LRRFIP1: variants seen among roughly 807,000 people sequenced by gnomAD.
LRRFIP1 encodes the protein LRR binding FLII interacting protein 1.
LRRFIP1 carries 62 observed loss-of-function variants against 104.4 expected under a neutral mutation model. The observed-to-expected ratio is 0.59, with a 90% CI of 0.48 to 0.73. LRRFIP1 has a LOEUF of 0.73. LRRFIP1 is among the 30% of genes least tolerant of loss of function. The pLI is 0.00. For missense variants in LRRFIP1, 796 were observed against 824.5 expected (o/e 0.97, Z 0.42); for synonymous variants, 300 against 299.0 (o/e 1.00, Z -0.03).
rs1421227135 is a variant in LRRFIP1 at position 237,691,251 on chromosome 2, C to T, written c.97-17293C>T. 1.3e-5 allele frequency among the ~76,000 whole-genome samples: 2 copies of T among 152,254 alleles called. No homozygotes were observed. The highest frequency in any genetic ancestry group is 2.9e-5 in the Non-Finnish European group (2 of 68,046). On this transcript the variant is annotated intron_variant, in intron 1 of 23. Transcript: ENST00000308482. This position sits in a 1 kb window ranked among gnomAD's most constrained non-coding sequence, Gnocchi z 5.4. Reference sequence around the variant, plus strand: ...CGCGTCATCCCGTCGCTTCTGCCCCCAGCCTGGCGAGGTCGGGAACCGTTT... The same window carrying T: ...CGCGTCATCCCGTCGCTTCTGCCCCTAGCCTGGCGAGGTCGGGAACCGTTT...
intron 5 of LRRFIP1, among the ~76,000 whole-genome samples, chr2:237,719,825 A>G (rs1251940170): frequency 2.0e-5 from 3 of 152,116 alleles, no homozygotes; most frequent in Non-Finnish European, 4.4e-5. Context: ...TATTCATGAC[A>G]GCTGTAGTGC....
intron 11 of LRRFIP1, among the ~76,000 whole-genome samples, chr2:237,743,830 C>A (rs1367812757): frequency 1.3e-5 from 2 of 152,076 alleles, no homozygotes; most frequent in African/African-American, 4.8e-5. Flanking sequence ...TGGGCCACAC[C>A]CAAGCAGAGT....
intron 1 of LRRFIP1, 142 bp downstream of exon 1, chr2:237,627,882 C>A (rs1415114255): frequency 2.2e-6 from 1 of 460,526 alleles, no homozygotes; most frequent in Non-Finnish European, 3.3e-6. Context: ...GCCGGGCAGG[C>A]GCGCGCCGGG....
At chr2:237,723,836 C>A (rs959300884) in intron 7 of LRRFIP1, among the ~76,000 whole-genome samples, 2 of 152,238 alleles carry the variant, frequency 1.3e-5, no homozygotes, top group Admixed American at 6.5e-5. Context: ...CACCAGATGG[C>A]CTTTGAGCAC....
At chr2:237,690,178 T>C (rs3754728) in intron 1 of LRRFIP1, among the ~76,000 whole-genome samples, 17,779 of 152,102 alleles carry the variant, frequency 0.12, 3,177 homozygotes, top group African/African-American at 0.39. Flanking sequence ...CTCAGGGACA[T>C]GCCAAGGGAA....
chr2:237,719,608 A>C (rs971568226), intron 5 of LRRFIP1, 41 bp downstream of exon 5: 1 of 1,500,272 alleles, frequency 6.7e-7, no homozygotes, highest in Non-Finnish European at 9.3e-7. Context: ...AATTTGATTG[A>C]ATTCTAATTT....
At chr2:237,718,440 C>A (rs2150143718) in intron 4 of LRRFIP1, among the ~76,000 whole-genome samples, 1 of 152,278 alleles carries the variant, frequency 6.6e-6, no homozygotes, top group Middle Eastern at 3.4e-3. Context: ...GGAGAGCTAG[C>A]CTGCCCCTGA....
rs73096890 is a variant in LRRFIP1 at position 237,691,292 on chromosome 2, T to C, written c.97-17252T>C. Among the ~76,000 whole-genome samples, 4,580 of 152,272 alleles carry C rather than the reference T, an allele frequency of 0.03. 249 individuals are homozygous for C. Among genetic ancestry groups the C allele is most frequent in the African/African-American group, 0.1 (4,338 of 41,534 alleles). ...GGAACCGTTTCCCGCAGGACTTTCATTGGGAGTTACGAGGGCGCCCTGTGC... is the reference window on the plus strand; with the variant it reads ...GGAACCGTTTCCCGCAGGACTTTCACTGGGAGTTACGAGGGCGCCCTGTGC... On this transcript the variant is annotated intron_variant, in intron 1 of 23. Transcript: ENST00000308482. The surrounding 1 kb of genome is among the most constrained non-coding windows in gnomAD (Gnocchi z 5.4).
At position 237,717,111 on chromosome 2, in the gene LRRFIP1, T is replaced by G. The variant is rs1413427751; in HGVS notation, c.202-651T>G. Among the ~76,000 whole-genome samples the G allele has an allele frequency of 3.9e-5, 6 of 152,174 alleles. No homozygotes were observed. Among genetic ancestry groups the G allele is most frequent in the Non-Finnish European group, 5.9e-5 (4 of 68,030 alleles). On this transcript the variant is annotated intron_variant, in intron 3 of 23. Coordinates refer to ENST00000308482, the MANE Select transcript of LRRFIP1 (RefSeq NM_001137550.2). The surrounding 1 kb of genome is among the most constrained non-coding windows in gnomAD (Gnocchi z 4.2). Reference sequence around the variant, plus strand: ...GTGTGGTCCAAGGAAGCCAAAAGATTGGACACCCCTGAGCTAATGTCACCT... The same window carrying G: ...GTGTGGTCCAAGGAAGCCAAAAGATGGGACACCCCTGAGCTAATGTCACCT...
intron 7 of LRRFIP1, 138 bp downstream of exon 7, chr2:237,723,724 CT>C: frequency 9.5e-7 from 1 of 1,057,430 alleles, no homozygotes; most frequent in Non-Finnish European, 1.5e-6. Context: ...GGAGGGCAGG[CT>C]TACCCTGCAG....
chr2:237,668,426 C>T (rs187123073), intron 1 of LRRFIP1, among the ~76,000 whole-genome samples: 174 of 152,332 alleles, frequency 1.1e-3, no homozygotes, highest in Admixed American at 5.2e-3. Context: ...AGAAAGAAAA[C>T]ACAACCCTCA....
intron 23 of LRRFIP1, among the ~76,000 whole-genome samples, chr2:237,775,381 CA>C (rs2060995249): frequency 6.6e-6 from 1 of 152,102 alleles, no homozygotes; most frequent in Non-Finnish European, 1.5e-5. Context: ...GCCAAGTGAG[CA>C]GGGGGTGAGG....
chr2:237,772,824 GC>G (rs1206391927), intron 21 of LRRFIP1, 41 bp from the exon 22 acceptor site: 1 of 1,305,546 alleles, frequency 7.7e-7, no homozygotes, highest in East Asian at 2.3e-5. Flanking sequence ...TATTTGAAAA[GC>G]CCAAGAGCTT....
At chr2:237,682,039 C>T (rs770562144) in intron 1 of LRRFIP1, among the ~76,000 whole-genome samples, 12 of 152,092 alleles carry the variant, frequency 7.9e-5, no homozygotes, top group East Asian at 1.9e-4. Flanking sequence ...GGCTCGAAGA[C>T]GGACAGCTGC....
chr2:237,742,014 A>G (rs1043158857), intron 11 of LRRFIP1, among the ~76,000 whole-genome samples: 25 of 152,196 alleles, frequency 1.6e-4, no homozygotes, highest in African/African-American at 5.5e-4. Context: ...CAAGCATATG[A>G]TGAAGTCTCA....
At chr2:237,680,513 G>A (rs2091692569) in intron 1 of LRRFIP1, among the ~76,000 whole-genome samples, 2 of 152,230 alleles carry the variant, frequency 1.3e-5, no homozygotes, top group Admixed American at 6.5e-5. Context: ...GATATGCACA[G>A]GTTATGTGCA....
At chr2:237,718,841 A>C (rs971474810) in intron 4 of LRRFIP1, among the ~76,000 whole-genome samples, 2 of 152,270 alleles carry the variant, frequency 1.3e-5, no homozygotes, top group Non-Finnish European at 2.9e-5. Context: ...AGCCTAGGCA[A>C]ACCATCATTT....
intron 1 of LRRFIP1, among the ~76,000 whole-genome samples, chr2:237,631,364 C>CATTT: frequency 6.6e-6 from 1 of 152,166 alleles, no homozygotes; most frequent in East Asian, 1.9e-4. Flanking sequence ...GTGGGGGCAG[C>CATTT]CTTTGGAGGG....
chr2:237,663,003 C>A (rs1330533633), intron 1 of LRRFIP1, among the ~76,000 whole-genome samples: 1 of 152,204 alleles, frequency 6.6e-6, no homozygotes, highest in Non-Finnish European at 1.5e-5. Flanking sequence ...TGCAAAACTG[C>A]CCTGAGGTGC....
Sources: gnomAD v4.1 joint callset for allele counts (sites outside exome capture counted in the v4.1 genomes callset) on GRCh38, gnomAD v4.1.1 for gene constraint, Gnocchi (gnomAD v3.1) non-coding constraint, MANE v1.5 for transcripts, NCBI Gene and HGNC (gene_info 2026-07-23, HGNC 2026-07-21) for gene names.